Variants in GCNT4 observed in about 807,000 individuals in gnomAD.
GCNT4 encodes glucosaminyl (N-acetyl) transferase 4, also known as beta-1,3-galactosyl-O-glycosyl-glycoprotein beta-1,6-N-acetylglucosaminyltransferase 4.
Under a neutral mutation model 31.3 loss-of-function variants are expected in GCNT4, and 17 were observed. The observed-to-expected ratio is 0.54, with a 90% CI of 0.37 to 0.81. The LOEUF (loss-of-function observed/expected upper bound fraction) is 0.81. GCNT4 is among the 40% of genes least tolerant of loss of function. The probability of loss-of-function intolerance (pLI) is 0.00; values close to 1 mark genes in which losing one functional copy is unlikely to be tolerated. For synonymous variants in GCNT4, 158 were observed against 190.6 expected (o/e 0.83, Z 1.41); for missense variants, 503 against 525.5 (o/e 0.96, Z 0.42).
At position 75,028,260 on chromosome 5, in the gene GCNT4, G is replaced by A. The variant is rs1429699107; in HGVS notation, c.*416C>T. Reference sequence around the variant, plus strand: ...GTACTTAAACACTACTCTGAAATGGGTGGTTTATATGATCAGACGATTACC... The same window carrying A: ...GTACTTAAACACTACTCTGAAATGGATGGTTTATATGATCAGACGATTACC... On this transcript the variant is annotated 3_prime_UTR_variant, in exon 4 of 4. Transcript: ENST00000652361. 2 of 167,482 alleles carry A rather than the reference G, an allele frequency of 1.2e-5. No homozygotes were observed. Among genetic ancestry groups the A allele is most frequent in the Non-Finnish European group, 2.6e-5 (2 of 78,090 alleles). 10.4% of individuals were successfully genotyped at this position (167,482 alleles called of 1,614,324 possible). A position where few individuals can be genotyped will look rare whatever the true frequency, so the allele number is the denominator to read the frequency against.
downstream of GCNT4, among the ~76,000 whole-genome samples, chr5:75,024,694 T>G (rs967530104): frequency 9.2e-5 from 14 of 152,030 alleles, no homozygotes; most frequent in African/African-American, 3.1e-4. Flanking sequence ...GCTGGGTGCC[T>G]TGGCTTATGC....
upstream of GCNT4, among the ~76,000 whole-genome samples, chr5:75,053,222 G>C (rs1020160621): frequency 3.3e-5 from 5 of 151,710 alleles, no homozygotes; most frequent in South Asian, 4.1e-4. Context: ...CGCGCGCCGG[G>C]TCGCCCACCC....
chr5:75,051,780 T>A (rs959744060), intron 2 of GCNT4, among the ~76,000 whole-genome samples: 2 of 152,072 alleles, frequency 1.3e-5, no homozygotes, highest in African/African-American at 2.4e-5. Context: ...CAGTATAAAC[T>A]TTTTCCCCCA....
intron 3 of GCNT4, among the ~76,000 whole-genome samples, chr5:75,039,388 C>T (rs1743270118): frequency 6.6e-6 from 1 of 152,184 alleles, no homozygotes; most frequent in African/African-American, 2.4e-5. Context: ...GCCACTGCAC[C>T]CGGCCTCTTA....
intron 2 of GCNT4, among the ~76,000 whole-genome samples, chr5:75,050,243 G>C (rs1439508216): frequency 6.6e-6 from 1 of 152,220 alleles, no homozygotes; most frequent in Non-Finnish European, 1.5e-5. Flanking sequence ...ATCACTCGCA[G>C]TCACACGTGC....
At position 75,029,221 on chromosome 5, in the gene GCNT4, G is replaced by A. The variant is rs138374806; in HGVS notation, c.817C>T (p.Arg273Trp). 64 of 1,614,034 alleles carry A rather than the reference G, an allele frequency of 4.0e-5. No individual in the cohort carries two copies. The highest frequency in any genetic ancestry group is 1.6e-4 in the Middle Eastern group (1 of 6,062). The change falls in exon 4 of 4, where the codon CGG becomes TGG. Residue 273 changes from arginine (R) to tryptophan (W), a missense_variant. Physicochemically the swap from Arg to Trp is moderately radical, Grantham distance 101. Transcript: ENST00000652361. ...ERFTYHHELR[R>W]VPYEYVKLPI... Reference sequence around the variant, plus strand: ...AGCTTCACATATTCATAAGGCACCCGTCTAAGTTCATGATGGTAAGTGAAT... The same window carrying A: ...AGCTTCACATATTCATAAGGCACCCATCTAAGTTCATGATGGTAAGTGAAT...
intron 3 of GCNT4, 171 bp from the exon 4 acceptor site, chr5:75,030,209 A>G: frequency 1.6e-6 from 1 of 636,174 alleles, no homozygotes; most frequent in South Asian, 2.2e-5. Flanking sequence ...GGAATTATGA[A>G]GAATGGTGGT....
chr5:75,020,277 G>T, the GCNT4 span, among the ~76,000 whole-genome samples: 431 of 152,266 alleles, frequency 2.8e-3, 4 homozygotes, highest in Non-Finnish European at 4.6e-3. Context: ...GGCATGGCAC[G>T]GCACGGCATG....
chr5:75,020,598 T>C (rs771954093), downstream of GCNT4, among the ~76,000 whole-genome samples: 10 of 152,094 alleles, frequency 6.6e-5, no homozygotes, highest in Non-Finnish European at 1.2e-4. Context: ...CTTTCAGCTA[T>C]TCGCCCATCC....
At position 75,033,616 on chromosome 5, in the gene GCNT4, T is replaced by C. The variant is rs571363089; in HGVS notation, c.-1-3578A>G. ...AATATTACCCTGTCCCAAATCAAAA[T>C]AAAACCCCTTCACCTGCTTACCACG... On this transcript the variant is annotated intron_variant, in intron 3 of 3. Transcript: ENST00000652361. Among the ~76,000 whole-genome samples, 11 of 152,142 alleles carry C rather than the reference T, an allele frequency of 7.2e-5. No individual in the cohort carries two copies. The South Asian group carries it at 2.3e-3, about 32-fold the overall frequency.
the GCNT4 span, among the ~76,000 whole-genome samples, chr5:75,018,818 C>A: frequency 6.6e-6 from 1 of 152,012 alleles, no homozygotes; most frequent in Non-Finnish European, 1.5e-5. Context: ...AAGGAATGAA[C>A]ATTAGGAGTA....
At chr5:75,032,028 C>G (rs1743074211) in intron 3 of GCNT4, among the ~76,000 whole-genome samples, 1 of 152,210 alleles carries the variant, frequency 6.6e-6, no homozygotes, top group South Asian at 2.1e-4. Context: ...TTCATCTATA[C>G]AGACCCATTG....
At chr5:75,034,646 G>A (rs1743156368) in intron 3 of GCNT4, among the ~76,000 whole-genome samples, 1 of 152,202 alleles carries the variant, frequency 6.6e-6, no homozygotes, top group South Asian at 2.1e-4. Flanking sequence ...TAGACAAGGA[G>A]GTCTGACCTG....
Position 75,028,819 on chromosome 5 carries a change from A to C in GCNT4, c.1219T>G (p.Trp407Gly). The C allele has an allele frequency of 1.2e-6, 2 of 1,614,074 alleles. No homozygotes were observed. Among genetic ancestry groups the C allele is most frequent in the Non-Finnish European group, 1.7e-6 (2 of 1,180,002 alleles). ...TTAGAATCAAATTTATTAGCAAACC[A>C]ATGTCCATCTTTGATAAGCCACCTT... ...ELRWLIKDGHWFANKFDSKVD... is the reference protein window; with the variant it reads ...ELRWLIKDGHGFANKFDSKVD... The change falls in exon 4 of 4, where the codon TGG (tryptophan) becomes GGG (glycine). Residue 407 changes from tryptophan (W) to glycine (G), a missense_variant. Trp to Gly is a radical substitution (Grantham distance 184). Transcript: ENST00000652361.
At chr5:75,049,208 C>T (rs1200167363) in intron 2 of GCNT4, among the ~76,000 whole-genome samples, 1 of 152,164 alleles carries the variant, frequency 6.6e-6, no homozygotes, top group African/African-American at 2.4e-5. Context: ...CTTAGTGTTT[C>T]TTATTAGTTC....
chr5:75,048,090 G>A (rs1041900423), intron 2 of GCNT4, 53 bp from the exon 3 acceptor site: 8 of 152,160 alleles, frequency 5.3e-5, no homozygotes, highest in African/African-American at 1.9e-4. Flanking sequence ...TAATTTAAAT[G>A]CAAACAATGA....
upstream of GCNT4, among the ~76,000 whole-genome samples, chr5:75,053,381 G>A (rs1353545937): frequency 2.0e-5 from 3 of 152,126 alleles, no homozygotes; most frequent in Non-Finnish European, 4.4e-5. Context: ...CGGCGCCGAA[G>A]TTTTCCCCGG....
chr5:75,050,064 G>C (rs1367068016), intron 2 of GCNT4, among the ~76,000 whole-genome samples: 1 of 152,230 alleles, frequency 6.6e-6, no homozygotes, highest in African/African-American at 2.4e-5. Flanking sequence ...ACTGAGACAG[G>C]AATGTCAGGA....
chr5:75,039,347 G>A (rs1743269373), intron 3 of GCNT4, among the ~76,000 whole-genome samples: 1 of 152,100 alleles, frequency 6.6e-6, no homozygotes, highest in Non-Finnish European at 1.5e-5. Flanking sequence ...ACTTGCCTCG[G>A]CCTCCCAAAG....
Sources: allele counts gnomAD v4.1 joint callset (sites outside exome capture counted in the v4.1 genomes callset), GRCh38; gene constraint gnomAD v4.1.1; transcripts MANE v1.5; gene names NCBI Gene and HGNC (gene_info 2026-07-23, HGNC 2026-07-21).